The following DLG5 variants were observed in gnomAD, a reference collection of about 807,000 sequenced individuals.
DLG5 encodes the protein discs large MAGUK scaffold protein 5.
In DLG5, 48 loss-of-function variants were observed where a neutral mutation model predicts 189.8. The ratio of observed to expected loss-of-function variants is 0.25; its 90% CI spans 0.20 to 0.32. The LOEUF is 0.32. DLG5 is among the 10% of genes least tolerant of loss of function. DLG5 has a pLI of 1.00. For missense variants in DLG5, 2,160 were observed against 2,544.7 expected (o/e 0.85, Z 3.25); for synonymous variants, 1,016 against 1,054.1 (o/e 0.96, Z 0.70).
intron 27 of DLG5, among the ~76,000 whole-genome samples, chr10:77,799,350 C>T (rs1207016890): frequency 2.0e-5 from 3 of 152,146 alleles, no homozygotes; most frequent in African/African-American, 7.2e-5. Context: ...ACGGAGTCTT[C>T]AGGAGGTAAG....
chr10:77,851,520 C>T (rs560175162), intron 5 of DLG5, among the ~76,000 whole-genome samples: 1 of 152,316 alleles, frequency 6.6e-6, no homozygotes, highest in African/African-American at 2.4e-5. Flanking sequence ...TTCCTGCTGC[C>T]GGCTTTCCAT....
In DLG5 at chr10:77,926,722, C is replaced by G. The variant is rs992847380; in HGVS notation, c.-202G>C. On this transcript the variant is annotated 5_prime_UTR_variant, in exon 1 of 32. Coordinates refer to ENST00000372391, the MANE Select transcript of DLG5 (RefSeq NM_004747.4). This position sits in a 1 kb window ranked among gnomAD's most constrained non-coding sequence, Gnocchi z 5.2. Reference sequence around the variant, plus strand: ...AGCGGCCGCCTCCCGGGCTCCGGAGCGCAGCCATGTTGGCTGCCGCGGCGG... The same window carrying G: ...AGCGGCCGCCTCCCGGGCTCCGGAGGGCAGCCATGTTGGCTGCCGCGGCGG... The G allele has an allele frequency of 6.7e-4, 111 of 165,654 alleles. No individual in the cohort carries two copies. Among genetic ancestry groups the G allele is most frequent in the Non-Finnish European group, 2.1e-4 (17 of 81,332 alleles). The allele number at this position is 165,654 out of a possible 1,614,324, so 10.3% of individuals were successfully genotyped here. A position where few individuals can be genotyped will look rare whatever the true frequency, so the allele number is the denominator to read the frequency against.
chr10:77,875,938 G>A lies in DLG5; in HGVS notation c.305-6741C>T, dbSNP rs115345096. ...GACACTGAAACCCAAACTGGGAAGC[G>A]GACAAGGCCCAGTATTTCAGGGAGG... On this transcript the variant is annotated intron_variant, in intron 1 of 31. Transcript: ENST00000372391. Among the ~76,000 whole-genome samples the A allele has an allele frequency of 4.5e-3, 687 of 152,112 alleles. 4 individuals are homozygous for A. The highest frequency in any genetic ancestry group is 0.015 in the African/African-American group (641 of 41,494).
chr10:77,869,085 G>C (rs376371067), intron 2 of DLG5, 44 bp downstream of exon 2: 45 of 1,578,664 alleles, frequency 2.9e-5, no homozygotes, highest in Middle Eastern at 1.8e-4. Context: ...CTTTCACCCA[G>C]ACCCCTGGCC....
At chr10:77,874,514 T>C (rs1248649) in intron 1 of DLG5, among the ~76,000 whole-genome samples, 39,170 of 152,158 alleles carry the variant, frequency 0.26, 5,640 homozygotes, top group Admixed American at 0.39. Flanking sequence ...CCAGTCAAAA[T>C]GCAGGCGCAG....
chr10:77,892,524 T>C (rs1845639730), intron 1 of DLG5, among the ~76,000 whole-genome samples: 1 of 152,184 alleles, frequency 6.6e-6, no homozygotes, highest in African/African-American at 2.4e-5. Context: ...AAAGATAAAG[T>C]AGTCCAGTGC....
At chr10:77,924,420 T>C (rs1324688423) in intron 1 of DLG5, among the ~76,000 whole-genome samples, 1 of 152,158 alleles carries the variant, frequency 6.6e-6, no homozygotes, top group Non-Finnish European at 1.5e-5. Context: ...ACCTAATTAA[T>C]GGCAATTGAT....
At chr10:77,868,847 G>A in intron 2 of DLG5, 1 of 468,734 alleles carries the variant, frequency 2.1e-6, no homozygotes, top group Non-Finnish European at 3.8e-6. Context: ...TTGGGGTTGG[G>A]GTGGGGATGG....
At chr10:77,878,702 C>G (rs1418455649) in intron 1 of DLG5, among the ~76,000 whole-genome samples, 5 of 152,172 alleles carry the variant, frequency 3.3e-5, no homozygotes, top group Non-Finnish European at 7.3e-5. Context: ...GGCTTCCTCT[C>G]CCCTCCCACC....
chr10:77,794,677 G>GGGACA (rs1174650086), intron 30 of DLG5, among the ~76,000 whole-genome samples, 172 bp downstream of exon 30: 1 of 152,234 alleles, frequency 6.6e-6, no homozygotes, highest in Non-Finnish European at 1.5e-5. Context: ...CTCTGAGTAG[G>GGGACA]GGACAGGGCC....
rs1038593587 is a variant in DLG5, at chr10:77,853,553, C to A, written c.681-16G>T. 1.9e-6 allele frequency: 3 copies of A among 1,562,948 alleles called. No homozygotes were observed. The Admixed American group carries it at 5.2e-5, about 27-fold the overall frequency. ...GTGGAGTGTGCTGAAACACCCGGTA[C>A]ATGCTCAGTGAGCCCCAGCCAGCCC... On this transcript the variant is annotated splice_polypyrimidine_tract_variant and intron_variant, in intron 4 of 31. Coordinates refer to ENST00000372391, the MANE Select transcript of DLG5 (RefSeq NM_004747.4).
At chr10:77,923,110 G>A (rs1324934942) in intron 1 of DLG5, among the ~76,000 whole-genome samples, 1 of 152,252 alleles carries the variant, frequency 6.6e-6, no homozygotes, top group South Asian at 2.1e-4. Flanking sequence ...CTAGGTGGGT[G>A]ATGGCATCAT....
At chr10:77,921,561 C>T (rs1226523778) in intron 1 of DLG5, among the ~76,000 whole-genome samples, 3 of 152,206 alleles carry the variant, frequency 2.0e-5, no homozygotes, top group Admixed American at 2.0e-4. Context: ...AATTCCCTTC[C>T]ACCCAGAGCC....
chr10:77,804,101 A>G (rs1841353494), intron 27 of DLG5, among the ~76,000 whole-genome samples: 1 of 152,108 alleles, frequency 6.6e-6, no homozygotes, highest in Non-Finnish European at 1.5e-5. Flanking sequence ...CATGTTGGCC[A>G]GGCTGGTCTT....
intron 1 of DLG5, among the ~76,000 whole-genome samples, chr10:77,884,842 A>C (rs1845391491): frequency 6.6e-6 from 1 of 152,188 alleles, no homozygotes; most frequent in Non-Finnish European, 1.5e-5. Context: ...AACACCGTCC[A>C]GGAGGGTTCA....
intron 1 of DLG5, among the ~76,000 whole-genome samples, chr10:77,918,616 T>C (rs879642089): frequency 3.3e-5 from 5 of 152,148 alleles, no homozygotes; most frequent in Non-Finnish European, 7.3e-5. Flanking sequence ...AATGTTTCTG[T>C]AGCACTTTTG....
At chr10:77,797,799 C>T (rs1840998207) in intron 27 of DLG5, among the ~76,000 whole-genome samples, 1 of 152,188 alleles carries the variant, frequency 6.6e-6, no homozygotes, top group South Asian at 2.1e-4. Flanking sequence ...CCAGCTGCAG[C>T]AGCAGGCTCC....
intron 2 of DLG5, among the ~76,000 whole-genome samples, chr10:77,859,407 C>A (rs1236749304): frequency 6.6e-6 from 1 of 152,200 alleles, no homozygotes; most frequent in Non-Finnish European, 1.5e-5. Context: ...CACTGACTTA[C>A]CCAGAGTAAC....
Position 77,794,175 on chromosome 10 carries a change from T to C in DLG5, c.5547-58A>G, listed in dbSNP as rs1182465463. 6.6e-6 allele frequency: 10 copies of C among 1,510,288 alleles called. No individual in the cohort carries two copies. In the East Asian group the frequency reaches 2.3e-4, roughly 34 times the overall value. 93.6% of individuals were successfully genotyped at this position (1,510,288 alleles called of 1,614,324 possible). ...TGAGCCTCCTCCAGGCCCTCTTTCC[T>C]TCCTCTGTCCAGGCTAACAGGGGCC... On this transcript the variant is annotated intron_variant, in intron 30 of 31. Transcript: ENST00000372391.
Sources: allele counts gnomAD v4.1 joint callset (sites outside exome capture counted in the v4.1 genomes callset), GRCh38; gene constraint gnomAD v4.1.1; non-coding constraint Gnocchi (gnomAD v3.1); transcripts MANE v1.5; gene names NCBI Gene and HGNC (gene_info 2026-07-23, HGNC 2026-07-21).